The following SPOP variants were observed in gnomAD, a reference collection of about 807,000 sequenced individuals.
SPOP encodes speckle type BTB/POZ protein.
A neutral mutation model predicts 45.6 loss-of-function variants in SPOP; 11 were observed. That is an observed-to-expected ratio of 0.24 (90% CI 0.15 to 0.40). SPOP has a LOEUF of 0.40. Ranked by LOEUF, SPOP falls within the 10% of genes least tolerant of loss-of-function variation. SPOP has a pLI of 1.00. For missense variants in SPOP, 152 were observed against 465.6 expected (o/e 0.33, Z 6.20); for synonymous variants, 166 against 166.3 (o/e 1.00, Z 0.01).
At position 49,643,089 on chromosome 17, in the gene SPOP, T is replaced by TA. The variant is rs1262629157; in HGVS notation, c.-66-20214dup. On this transcript the variant is annotated intron_variant, in intron 1 of 9. Coordinates refer to ENST00000504102, the MANE Select transcript of SPOP (RefSeq NM_001007228.2). ...TATTTGAAGGTCTTATTGGTTGTCT[T>TA]AAAAAAAATTCAGCACATAAATTCT... 2.0e-5 allele frequency among the ~76,000 whole-genome samples: 3 copies of TA among 152,278 alleles called. No homozygotes were observed. The East Asian group carries it at 5.8e-4, about 29-fold the overall frequency.
intron 1 of SPOP, among the ~76,000 whole-genome samples, chr17:49,633,765 T>C (rs946330818): frequency 6.6e-6 from 1 of 152,214 alleles, no homozygotes; most frequent in Non-Finnish European, 1.5e-5. Context: ...TGCAACTCCC[T>C]GGACCTTAAA....
At chr17:49,637,644 C>T (rs2072566843) in intron 1 of SPOP, among the ~76,000 whole-genome samples, 1 of 152,204 alleles carries the variant, frequency 6.6e-6, no homozygotes, top group Non-Finnish European at 1.5e-5. Flanking sequence ...AGCCACTGCG[C>T]CCAGCCCCAA....
At chr17:49,657,737 G>C (rs542733455) in intron 1 of SPOP, among the ~76,000 whole-genome samples, 1 of 111,708 alleles carries the variant, frequency 9.0e-6, no homozygotes, top group Non-Finnish European at 1.7e-5. Context: ...GTCTTGCTCT[G>C]TCACCCAGGC....
chr17:49,651,308 C>T (rs2072840682), intron 1 of SPOP, among the ~76,000 whole-genome samples: 1 of 152,196 alleles, frequency 6.6e-6, no homozygotes, highest in Admixed American at 6.5e-5. Context: ...AGAAAACACA[C>T]ACAAAATTGA....
chr17:49,672,553 C>A (rs1318981361), intron 1 of SPOP, among the ~76,000 whole-genome samples: 1 of 152,154 alleles, frequency 6.6e-6, no homozygotes, highest in African/African-American at 2.4e-5. Flanking sequence ...CTAATCAGAC[C>A]TTTAGAGCTC....
At chr17:49,612,383 C>G (rs1412519196) in intron 5 of SPOP, among the ~76,000 whole-genome samples, 1 of 152,100 alleles carries the variant, frequency 6.6e-6, no homozygotes, top group Middle Eastern at 3.2e-3. Context: ...GGTGAGTATC[C>G]CACACTTTTA....
chr17:49,649,998 T>A (rs2072819870), intron 1 of SPOP, among the ~76,000 whole-genome samples: 1 of 150,562 alleles, frequency 6.6e-6, no homozygotes. Flanking sequence ...TTCAAGCGAT[T>A]CTCCTGCCTC....
At chr17:49,622,328 A>G in intron 2 of SPOP, 1 of 590,110 alleles carries the variant, frequency 1.7e-6, no homozygotes, top group Non-Finnish European at 3.2e-6. Context: ...CAGAAACAAA[A>G]AACCCACCAC....
chr17:49,636,184 G>A (rs966782274), intron 1 of SPOP: 5 of 152,070 alleles, frequency 3.3e-5, no homozygotes, highest in African/African-American at 1.2e-4. Flanking sequence ...TTTTTATAGA[G>A]ATGGGTTTTT....
At chr17:49,667,160 A>G (rs1277911374) in intron 1 of SPOP, among the ~76,000 whole-genome samples, 1 of 150,924 alleles carries the variant, frequency 6.6e-6, no homozygotes, top group Non-Finnish European at 1.5e-5. Flanking sequence ...CCTAGGCGAC[A>G]AGAATGAAAC....
intron 1 of SPOP, among the ~76,000 whole-genome samples, chr17:49,666,448 GACACACACACACACACACAC>G (rs36210011): frequency 4.2e-5 from 6 of 142,012 alleles, no homozygotes; most frequent in African/African-American, 1.3e-4. Flanking sequence ...CATGAAGACA[GACACACACACACACACACAC>G]ACACACACAC....
intron 1 of SPOP, among the ~76,000 whole-genome samples, chr17:49,624,533 A>G (rs113301343): frequency 6.6e-6 from 1 of 152,298 alleles, no homozygotes; most frequent in East Asian, 1.9e-4. Flanking sequence ...CAGTGGCGCA[A>G]TCTTGGCTCA....
intron 1 of SPOP, 58 bp downstream of exon 1, chr17:49,677,875 G>GCC (rs753109561): frequency 4.4e-5 from 15 of 338,212 alleles, no homozygotes; most frequent in Admixed American, 2.7e-4. Flanking sequence ...TCAGGGAGGT[G>GCC]CCCCCCCCCC....
At chr17:49,660,134 A>G (rs1221595767) in intron 1 of SPOP, among the ~76,000 whole-genome samples, 2 of 152,216 alleles carry the variant, frequency 1.3e-5, no homozygotes, top group Non-Finnish European at 2.9e-5. Context: ...AAGAGTGAGA[A>G]CCACTGCTCT....
At chr17:49,623,584 G>A (rs192014304) in intron 1 of SPOP, among the ~76,000 whole-genome samples, 4 of 152,166 alleles carry the variant, frequency 2.6e-5, no homozygotes, top group Admixed American at 2.0e-4. Context: ...CTCTAAGTTT[G>A]CTTCATCTTC....
chr17:49,623,416 T>C (rs2072260507), intron 1 of SPOP, among the ~76,000 whole-genome samples: 1 of 152,208 alleles, frequency 6.6e-6, no homozygotes, highest in African/African-American at 2.4e-5. Context: ...AATAACTCTA[T>C]TGCTGAATGA....
intron 1 of SPOP, among the ~76,000 whole-genome samples, chr17:49,625,129 T>G (rs184587922): frequency 6.6e-6 from 1 of 152,148 alleles, no homozygotes; most frequent in Admixed American, 6.6e-5. Context: ...AGTTCCCAGA[T>G]GATCCTTTGA....
At chr17:49,626,234 T>G (rs976725866) in intron 1 of SPOP, among the ~76,000 whole-genome samples, 4 of 152,220 alleles carry the variant, frequency 2.6e-5, no homozygotes, top group Non-Finnish European at 5.9e-5. Context: ...CTGCTTTAGA[T>G]GCTATATTTT....
Position 49,602,011 on chromosome 17 carries a change from T to G in SPOP, c.838-4A>C, listed in dbSNP as rs1291902127. Reference sequence around the variant, plus strand: ...CCTTTAAGCGCTCCAGGGCATACTGTAAAACACAAGCACTGCTGTCATCAG... The same window carrying G: ...CCTTTAAGCGCTCCAGGGCATACTGGAAAACACAAGCACTGCTGTCATCAG... On this transcript the variant is annotated splice_region_variant and splice_polypyrimidine_tract_variant and intron_variant, in intron 8 of 9. Coordinates refer to ENST00000504102, the MANE Select transcript of SPOP (RefSeq NM_001007228.2). 1 of 1,613,878 alleles carries G rather than the reference T, an allele frequency of 6.2e-7. No individual in the cohort carries two copies. The highest frequency in any genetic ancestry group is 1.7e-4 in the Middle Eastern group (1 of 6,056).
Sources: gnomAD v4.1 joint callset for allele counts (sites outside exome capture counted in the v4.1 genomes callset) on GRCh38, gnomAD v4.1.1 for gene constraint, MANE v1.5 for transcripts, NCBI Gene and HGNC (gene_info 2026-07-23, HGNC 2026-07-21) for gene names.